MYRFL: variants seen among roughly 807,000 people sequenced by gnomAD.
MYRFL encodes myelin regulatory factor-like protein.
Under a neutral mutation model 109.4 loss-of-function variants are expected in MYRFL, and 88 were observed. The ratio of observed to expected loss-of-function variants is 0.80; its 90% confidence interval spans 0.68 to 0.96. The LOEUF (loss-of-function observed/expected upper bound fraction) is 0.96, where lower values mean the gene tolerates loss of function less well. MYRFL is among the 40% of genes least tolerant of loss of function. MYRFL has a pLI of 0.00. For synonymous variants in MYRFL, 324 were observed against 320.9 expected (o/e 1.01, Z -0.10); for missense variants, 957 against 954.9 (o/e 1.00, Z -0.03).
intron 13 of MYRFL, among the ~76,000 whole-genome samples, chr12:69,919,140 A>C (rs896542215): frequency 1.3e-5 from 2 of 152,250 alleles, no homozygotes; most frequent in African/African-American, 2.4e-5. Flanking sequence ...GATTGTGTTC[A>C]TCAATTGAAT....
chr12:69,939,032 G>A (rs868370150), intron 19 of MYRFL, among the ~76,000 whole-genome samples: 11 of 152,170 alleles, frequency 7.2e-5, no homozygotes, highest in East Asian at 1.9e-4. Context: ...CACCTGGCTC[G>A]GAGGGTCCTA....
chr12:69,938,736 G>A (rs1353031462), intron 19 of MYRFL, among the ~76,000 whole-genome samples: 4 of 152,212 alleles, frequency 2.6e-5, no homozygotes, highest in Non-Finnish European at 5.9e-5. Flanking sequence ...CTCCCAGCCT[G>A]AGCGATGCAG....
intron 19 of MYRFL, among the ~76,000 whole-genome samples, chr12:69,944,826 A>T (rs1331833824): frequency 6.6e-6 from 1 of 152,212 alleles, no homozygotes; most frequent in Non-Finnish European, 1.5e-5. Context: ...GTGTATACCT[A>T]TGTAACACAC....
At chr12:69,909,401 T>G (rs1954479183) in intron 11 of MYRFL, among the ~76,000 whole-genome samples, 1 of 152,198 alleles carries the variant, frequency 6.6e-6, no homozygotes, top group African/African-American at 2.4e-5. Context: ...GGTTCCTCTA[T>G]CACATGGATG....
intron 11 of MYRFL, among the ~76,000 whole-genome samples, chr12:69,909,237 C>G (rs1247517512): frequency 1.3e-5 from 2 of 152,210 alleles, no homozygotes; most frequent in African/African-American, 4.8e-5. Context: ...AAGCACCAAG[C>G]TACCATCTTT....
intron 2 of MYRFL, among the ~76,000 whole-genome samples, chr12:69,870,214 G>A (rs1333777881): frequency 3.1e-5 from 4 of 127,822 alleles, no homozygotes; most frequent in African/African-American, 1.2e-4. Context: ...GTTCAAGCAA[G>A]CACGTCTGGC....
chr12:69,874,067 C>T (rs1270126943), intron 2 of MYRFL, among the ~76,000 whole-genome samples: 1 of 152,226 alleles, frequency 6.6e-6, no homozygotes, highest in Non-Finnish European at 1.5e-5. Context: ...TGATCTCCAA[C>T]TCCCATCCCC....
chr12:69,945,647 C>T (rs2120524627), intron 19 of MYRFL, among the ~76,000 whole-genome samples: 1 of 152,200 alleles, frequency 6.6e-6, no homozygotes, highest in South Asian at 2.1e-4. Context: ...CTTATTAAAC[C>T]AGATCAAGGC....
At position 69,952,804 on chromosome 12, in the gene MYRFL, G is replaced by C. The variant is rs1253271587; in HGVS notation, c.2293G>C (p.Asp765His). ...SGPDWESDWI[D>H]TTISSIQIME... is the part of the protein sequence containing the mutation. The stretch of plus-strand genomic sequence containing the variant: ...TCTATTTCTTCTCAATTCAGGGATT[G>C]ATACAACCATCAGTTCTATTCAGAT... Residue 765 changes from aspartate to histidine, a missense_variant, in exon 21 of 25, where the codon GAT (aspartate) becomes CAT (histidine). Physicochemically the swap from Asp to His is moderately conservative, Grantham distance 81. Coordinates refer to ENST00000552032, the MANE Select transcript of MYRFL (RefSeq NM_182530.3). 1.3e-6 allele frequency: 2 copies of C among 1,525,356 alleles called. No homozygotes were observed. The highest frequency in any genetic ancestry group is 2.0e-5 in the Admixed American group (1 of 50,168). The allele number at this position is 1,525,356 out of a possible 1,614,324, so 94.5% of individuals were successfully genotyped here.
At chr12:69,920,085 G>C (rs979926192) in intron 13 of MYRFL, among the ~76,000 whole-genome samples, 1 of 152,064 alleles carries the variant, frequency 6.6e-6, no homozygotes, top group Admixed American at 6.6e-5. Context: ...GTGTTCTGCC[G>C]AGTCCAGGGA....
intron 5 of MYRFL, among the ~76,000 whole-genome samples, chr12:69,882,160 A>C (rs748346542): frequency 2.0e-5 from 3 of 152,184 alleles, no homozygotes; most frequent in Admixed American, 6.5e-5. Flanking sequence ...GAGTGATGGA[A>C]ATTACTAGGA....
At position 69,906,274 on chromosome 12, in the gene MYRFL, G is replaced by A. The variant is rs1276666196; in HGVS notation, c.1383+2430G>A. Among the ~76,000 whole-genome samples the A allele has an allele frequency of 2.6e-5, 4 of 152,152 alleles. No homozygotes were observed. The East Asian group carries it at 5.8e-4, about 22-fold the overall frequency. ...AGATCCAAGACATGGAGAAGATGAC[G>A]CAGATATGACCGAAACCTCTGCAAC... On this transcript the variant is annotated intron_variant, in intron 11 of 24. Transcript: ENST00000552032.
chr12:69,944,418 G>GTAAAC (rs1464983714), intron 19 of MYRFL, among the ~76,000 whole-genome samples: 1 of 143,520 alleles, frequency 7.0e-6, no homozygotes, highest in East Asian at 2.0e-4. Context: ...ATCATTCTCA[G>GTAAAC]TAAACTATCG....
intron 1 of MYRFL, among the ~76,000 whole-genome samples, chr12:69,845,517 A>C (rs938059338): frequency 6.6e-6 from 1 of 152,204 alleles, no homozygotes; most frequent in Admixed American, 6.5e-5. Flanking sequence ...ATCTTAGCTC[A>C]TGTCAACAAA....
At chr12:69,853,398 C>T (rs534762507) in intron 1 of MYRFL, among the ~76,000 whole-genome samples, 19 of 145,226 alleles carry the variant, frequency 1.3e-4, no homozygotes, top group South Asian at 6.8e-4. Flanking sequence ...ACTTCTCAGA[C>T]GGGGCGGCCG....
At chr12:69,878,374 GCCCA>G (rs1885826046) in intron 2 of MYRFL, among the ~76,000 whole-genome samples, 2 of 151,854 alleles carry the variant, frequency 1.3e-5, no homozygotes, top group Non-Finnish European at 2.9e-5. Flanking sequence ...ATCCCTTTGC[GCCCA>G]GATGGAAAAT....
chr12:69,852,944 T>A (rs528263144), intron 1 of MYRFL, among the ~76,000 whole-genome samples: 121 of 152,324 alleles, frequency 7.9e-4, no homozygotes, highest in African/African-American at 2.9e-3. Context: ...CAGAAGAATT[T>A]TTCTTAGTAC....
chr12:69,910,128 T>G, intron 12 of MYRFL, 51 bp downstream of exon 12: 1 of 1,208,040 alleles, frequency 8.3e-7, no homozygotes, highest in Non-Finnish European at 1.1e-6. Context: ...TATTAAAATT[T>G]TAATTACCTC....
At position 69,903,862 on chromosome 12, in the gene MYRFL, C is replaced by T. The variant is rs1327441362; in HGVS notation, c.1383+18C>T. On this transcript the variant is annotated intron_variant, in intron 11 of 24. Coordinates refer to ENST00000552032, the MANE Select transcript of MYRFL (RefSeq NM_182530.3). Reference sequence around the variant, plus strand: ...TCCAGGAGGTGAGCACAGATTCAGGCCCTGGGCCCCTCCTCTGACACCCCA... The same window carrying T: ...TCCAGGAGGTGAGCACAGATTCAGGTCCTGGGCCCCTCCTCTGACACCCCA... The T allele has an allele frequency of 1.3e-6, 2 of 1,497,662 alleles. No individual in the cohort carries two copies. The highest frequency in any genetic ancestry group is 5.0e-5 in the East Asian group (2 of 40,298). The allele number at this position is 1,497,662 out of a possible 1,614,324, so 92.8% of individuals were successfully genotyped here. A position where few individuals can be genotyped will look rare whatever the true frequency, so the allele number is the denominator to read the frequency against.
Sources: gnomAD v4.1 joint callset for allele counts (sites outside exome capture counted in the v4.1 genomes callset) on GRCh38, gnomAD v4.1.1 for gene constraint, MANE v1.5 for transcripts, NCBI Gene and HGNC (gene_info 2026-07-23, HGNC 2026-07-21) for gene names.